WDPCP: variants seen among roughly 807,000 people sequenced by gnomAD.
The protein encoded by WDPCP is WD repeat-containing and planar cell polarity effector protein fritz homolog.
A neutral mutation model predicts 93.1 loss-of-function variants in WDPCP; 71 were observed. The ratio of observed to expected loss-of-function variants is 0.76; its 90% CI spans 0.63 to 0.93. WDPCP has a LOEUF of 0.93. WDPCP is among the 40% of genes least tolerant of loss of function. The pLI, the probability that WDPCP is intolerant of heterozygous loss-of-function variation, is 0.00. For missense variants in WDPCP, 844 were observed against 887.4 expected (o/e 0.95, Z 0.62); for synonymous variants, 315 against 315.0 (o/e 1.00, Z 0.00).
At chr2:63,813,882 T>G (rs1055954712) in intron 1 of WDPCP, among the ~76,000 whole-genome samples, 7 of 152,228 alleles carry the variant, frequency 4.6e-5, no homozygotes, top group Non-Finnish European at 1.0e-4. Flanking sequence ...TAATAAATAC[T>G]AATATGTTTG....
upstream of WDPCP, among the ~76,000 whole-genome samples, chr2:63,832,215 G>C (rs1426728529): frequency 2.0e-5 from 3 of 152,232 alleles, no homozygotes; most frequent in African/African-American, 7.2e-5. Context: ...GTTTGGTCTA[G>C]TGGGGCCTCA....
At chr2:63,751,616 A>G (rs1669884445) in intron 2 of WDPCP, 2 of 470,606 alleles carry the variant, frequency 4.2e-6, no homozygotes, top group Admixed American at 2.4e-5. Context: ...GAGTTCACAA[A>G]TCTGTTGTAA....
chr2:63,813,252 TAGC>T lies in WDPCP; in HGVS notation n.308+367_308+369del, dbSNP rs376980533. 2.1e-3 allele frequency among the ~76,000 whole-genome samples: 324 copies of T among 152,108 alleles called. 9 individuals carry two copies. In the East Asian group the frequency reaches 0.057, roughly 27 times the overall value. ...ATGGTGAAGGCCTAAACCAGAAAAA[TAGC>T]AGTGCCATTTACCAAGTTAGGAAAT... On this transcript the variant is annotated intron_variant and non_coding_transcript_variant, in intron 2 of 4. Coordinates refer to the WDPCP transcript ENST00000467687.
At chr2:63,503,209 T>C (rs1701661506) in intron 1 of WDPCP, among the ~76,000 whole-genome samples, 1 of 152,240 alleles carries the variant, frequency 6.6e-6, no homozygotes, top group Admixed American at 6.5e-5. Flanking sequence ...AATTTATCAA[T>C]GGCTTCTTCA....
intron 1 of WDPCP, among the ~76,000 whole-genome samples, chr2:63,576,572 G>A (rs1293272098): frequency 2.6e-5 from 4 of 152,156 alleles, no homozygotes; most frequent in Non-Finnish European, 5.9e-5. Flanking sequence ...TCCTTTTGGG[G>A]TTTTATGGAG....
At chr2:63,582,724 A>ATGTTTCT (rs1386837882) in intron 1 of WDPCP, among the ~76,000 whole-genome samples, 12 of 152,200 alleles carry the variant, frequency 7.9e-5, no homozygotes, top group African/African-American at 2.9e-4. Context: ...AGATGATAGT[A>ATGTTTCT]GATTTTTAAT....
In WDPCP at chr2:63,588,372, G is replaced by C. The variant is rs1709028433; in HGVS notation, c.-101C>G. The stretch of plus-strand genomic sequence containing the variant: ...TCTCTTGGGTCTCCAGGACGCCGCC[G>C]CCGCCGCCACAGTTTCCTCAGGTGC... On this transcript the variant is annotated 5_prime_UTR_variant, in exon 1 of 18. Transcript: ENST00000272321. 3 of 1,368,238 alleles carry C rather than the reference G, an allele frequency of 2.2e-6. No homozygotes were observed. In the South Asian group the frequency reaches 3.7e-5, roughly 17 times the overall value. The allele number at this position is 1,368,238 out of a possible 1,614,324, so 84.8% of individuals were successfully genotyped here.
At chr2:63,146,750 C>T (rs1013703835) in intron 17 of WDPCP, among the ~76,000 whole-genome samples, 1 of 152,002 alleles carries the variant, frequency 6.6e-6, no homozygotes, top group African/African-American at 2.4e-5. Flanking sequence ...CTGCAACTTA[C>T]TTTGAAATGT....
Position 63,174,805 on chromosome 2 carries a change from T to A in WDPCP, c.1943A>T (p.Asp648Val). 6.2e-7 allele frequency: 1 copy of A among 1,613,936 alleles called. No individual in the cohort carries two copies. Among genetic ancestry groups the A allele is most frequent in the Non-Finnish European group, 8.5e-7 (1 of 1,179,882 alleles). ...GCCAATAAATGCTTCATTTAGCATATCCCCTCTGTCCAAGGGTCCCAGGAG... is the reference window on the plus strand; with the variant it reads ...GCCAATAAATGCTTCATTTAGCATAACCCCTCTGTCCAAGGGTCCCAGGAG... Reference protein sequence around the residue: ...VELLGPLDRGDMLNEAFIGLS... With the variant: ...VELLGPLDRGVMLNEAFIGLS... Residue 648 changes from aspartate to valine, a missense_variant, in exon 15 of 18, where the codon GAT becomes GTT. By Grantham distance (152) the Asp-to-Val change is radical. Transcript: ENST00000272321.
chr2:63,798,106 A>G (rs1670642533), intron 2 of WDPCP, among the ~76,000 whole-genome samples: 1 of 152,222 alleles, frequency 6.6e-6, no homozygotes, highest in Non-Finnish European at 1.5e-5. Flanking sequence ...CATGAAGAAT[A>G]ACTAAAGACT....
At chr2:63,250,709 CAGTT>C (rs1470208113) in intron 14 of WDPCP, among the ~76,000 whole-genome samples, 4 of 152,072 alleles carry the variant, frequency 2.6e-5, no homozygotes, top group African/African-American at 9.7e-5. Context: ...GATAAACAAA[CAGTT>C]AAGTTTGTGA....
chr2:63,219,575 T>C (rs890342348), intron 14 of WDPCP, among the ~76,000 whole-genome samples: 25 of 152,246 alleles, frequency 1.6e-4, no homozygotes, highest in Non-Finnish European at 3.4e-4. Flanking sequence ...CTTAATATTT[T>C]AACAAAATTG....
At chr2:63,335,804 A>C (rs1688315703) in intron 12 of WDPCP, among the ~76,000 whole-genome samples, 1 of 152,214 alleles carries the variant, frequency 6.6e-6, no homozygotes, top group Non-Finnish European at 1.5e-5. Context: ...AGGCATTCTA[A>C]GTCACAGGAT....
At chr2:63,305,542 CA>C (rs1685665813) in intron 13 of WDPCP, among the ~76,000 whole-genome samples, 1 of 152,118 alleles carries the variant, frequency 6.6e-6, no homozygotes, top group Non-Finnish European at 1.5e-5. Flanking sequence ...ACAAAAACCC[CA>C]TCCAAAGGTC....
chr2:63,704,845 A>G (rs1219912170), intron 2 of WDPCP, among the ~76,000 whole-genome samples: 2 of 151,942 alleles, frequency 1.3e-5, no homozygotes, highest in Non-Finnish European at 2.9e-5. Flanking sequence ...CTCTTTTTCT[A>G]TTGATTGGGA....
intron 10 of WDPCP, among the ~76,000 whole-genome samples, chr2:63,396,351 A>G (rs951226305): frequency 6.6e-6 from 1 of 152,338 alleles, no homozygotes; most frequent in East Asian, 1.9e-4. Context: ...AGAAAGAGAG[A>G]CAGACAGACA....
intron 12 of WDPCP, among the ~76,000 whole-genome samples, chr2:63,338,568 AAATATATATATATATATATATATATATAT>A (rs1558490309): frequency 2.6e-4 from 2 of 7,660 alleles, no homozygotes; most frequent in Non-Finnish European, 3.3e-4. Flanking sequence ...AAAAAAAAAA[AAATATATATATATATATATATATATATAT>A]ATATATATAT....
At chr2:63,397,462 G>T (rs1693822884) in intron 10 of WDPCP, among the ~76,000 whole-genome samples, 1 of 152,158 alleles carries the variant, frequency 6.6e-6, no homozygotes. Flanking sequence ...GTGGAGTCAG[G>T]AATGGTCTGG....
At chr2:63,349,627 G>A (rs1689441061) in intron 12 of WDPCP, among the ~76,000 whole-genome samples, 1 of 152,100 alleles carries the variant, frequency 6.6e-6, no homozygotes, top group South Asian at 2.1e-4. Flanking sequence ...ACCCAAGTTG[G>A]TTTCTTTCCT....
Sources: gnomAD v4.1 joint callset for allele counts (sites outside exome capture counted in the v4.1 genomes callset) on GRCh38, gnomAD v4.1.1 for gene constraint, MANE v1.5 for transcripts, NCBI Gene and HGNC (gene_info 2026-07-23, HGNC 2026-07-21) for gene names.